The following RANBP2 variants were observed in gnomAD, a reference collection of about 807,000 sequenced individuals.
RANBP2 encodes the protein RAN binding protein 2.
In RANBP2, 57 loss-of-function variants were observed where a neutral mutation model predicts 303.6. That is an observed-to-expected ratio of 0.19 (90% confidence interval 0.15 to 0.23). The LOEUF (loss-of-function observed/expected upper bound fraction) is 0.23. RANBP2 is among the 10% of genes least tolerant of loss of function. RANBP2 has a pLI of 1.00. For missense variants in RANBP2, 3,138 were observed against 3,780.8 expected, an observed-to-expected ratio of 0.83 and a Z score of 4.46; for synonymous variants, 1,167 against 1,301.5, an observed-to-expected ratio of 0.90 and a Z score of 2.23.
the RANBP2 span, chr2:109,129,113 G>A: frequency 2.8e-6 from 1 of 357,564 alleles, no homozygotes; most frequent in Non-Finnish European, 5.3e-6. Flanking sequence ...GGAGGAGCGT[G>A]CACGCCGCGC....
the RANBP2 span, among the ~76,000 whole-genome samples, chr2:109,328,786 A>G: frequency 5.2e-3 from 789 of 152,244 alleles, 4 homozygotes; most frequent in Middle Eastern, 0.014. Flanking sequence ...GTTCATGACC[A>G]CTTTGGTGGC....
chr2:109,148,237 A>G, the RANBP2 span, among the ~76,000 whole-genome samples: 1 of 152,146 alleles, frequency 6.6e-6, no homozygotes, highest in South Asian at 2.1e-4. Context: ...CTTCTGCAGT[A>G]TCTGTTTTCT....
At chr2:109,501,735 CAG>C in the RANBP2 span, 1 of 695,902 alleles carries the variant, frequency 1.4e-6, no homozygotes. Context: ...CCACGGCACA[CAG>C]AGAGGGAGCC....
chr2:108,909,251 G>A, the RANBP2 span, among the ~76,000 whole-genome samples: 1 of 152,320 alleles, frequency 6.6e-6, no homozygotes, highest in Admixed American at 6.5e-5. Flanking sequence ...ATATCAGAAG[G>A]GAGAGGCTGA....
the RANBP2 span, among the ~76,000 whole-genome samples, chr2:108,908,822 AG>A: frequency 1.8e-4 from 27 of 152,200 alleles, no homozygotes; most frequent in Admixed American, 2.6e-4. Context: ...GTTAGTAACT[AG>A]GTTACAGCAG....
At chr2:109,313,923 G>T in the RANBP2 span, among the ~76,000 whole-genome samples, 2 of 152,184 alleles carry the variant, frequency 1.3e-5, no homozygotes, top group African/African-American at 4.8e-5. Context: ...GGACCCGTAT[G>T]CAGGGTGCCG....
intron 7 of RANBP2, among the ~76,000 whole-genome samples, chr2:108,744,648 T>A (rs953511487): frequency 3.3e-5 from 5 of 152,236 alleles, no homozygotes. Flanking sequence ...AGTAAAAGGA[T>A]AGGCAATATG....
At chr2:108,753,272 G>A (rs1558905356) in intron 13 of RANBP2, 113 bp downstream of exon 13, 2 of 1,604,612 alleles carry the variant, frequency 1.2e-6, no homozygotes, top group Non-Finnish European at 8.5e-7. Context: ...TGGTAATCTT[G>A]TTTTCTAAAT....
the RANBP2 span, chr2:109,614,443 G>T: frequency 8.4e-7 from 1 of 1,185,078 alleles, no homozygotes; most frequent in Non-Finnish European, 1.0e-6. Context: ...CCGTCGCTAT[G>T]GGACCGCGCT....
the RANBP2 span, among the ~76,000 whole-genome samples, chr2:108,796,133 C>T: frequency 6.6e-6 from 1 of 152,168 alleles, no homozygotes; most frequent in Non-Finnish European, 1.5e-5. Flanking sequence ...ACTGCAAGCT[C>T]CGCCTCCTGG....
At chr2:109,529,747 C>T in the RANBP2 span, among the ~76,000 whole-genome samples, 1 of 152,176 alleles carries the variant, frequency 6.6e-6, no homozygotes, top group Admixed American at 6.5e-5. Context: ...TAAGAGGTCA[C>T]CTCACCTGTC....
chr2:108,743,930 A>C (rs1696312420), intron 7 of RANBP2, among the ~76,000 whole-genome samples: 1 of 152,248 alleles, frequency 6.6e-6, no homozygotes, highest in Non-Finnish European at 1.5e-5. Context: ...TTTAAAGCTT[A>C]ATGATCAAAT....
rs1368962685 is a variant in RANBP2 at position 108,766,027 on chromosome 2, C to G, written c.5488C>G (p.His1830Asp). ...CACACTGGGCTCAGAAATGAAGTTGCATGACTCTTCTGGAAGTCAGGTGGG... is the reference window on the plus strand; with the variant it reads ...CACACTGGGCTCAGAAATGAAGTTGGATGACTCTTCTGGAAGTCAGGTGGG... The part of the protein sequence containing the change: ...AFTLGSEMKL[H>D]DSSGSQVGTG... The change falls in exon 20 of 29, where the codon CAT (histidine) becomes GAT (aspartate). Residue 1830 changes from histidine to aspartate, a missense_variant. His to Asp is a moderately conservative substitution (Grantham distance 81). Around this residue, in one of 20 missense-constraint regions of RANBP2, gnomAD observed 348 missense variants for 360.4 expected, o/e 0.97. Coordinates refer to ENST00000283195, the MANE Select transcript of RANBP2 (RefSeq NM_006267.5). The G allele has an allele frequency of 1.2e-6, 2 of 1,614,014 alleles. No individual in the cohort carries two copies. Among genetic ancestry groups the G allele is most frequent in the African/African-American group, 2.7e-5 (2 of 74,914 alleles).
the RANBP2 span, among the ~76,000 whole-genome samples, chr2:108,832,765 T>C: frequency 1.3e-5 from 2 of 152,178 alleles, no homozygotes; most frequent in East Asian, 3.8e-4. Flanking sequence ...GACAGACACC[T>C]AGTAGTTGAA....
the RANBP2 span, among the ~76,000 whole-genome samples, chr2:109,619,685 CTTCTT>C: frequency 6.6e-6 from 1 of 152,168 alleles, no homozygotes; most frequent in African/African-American, 2.4e-5. Flanking sequence ...TCTAGAATAA[CTTCTT>C]TCCTTAGAAG....
the RANBP2 span, among the ~76,000 whole-genome samples, chr2:108,832,008 C>T: frequency 1.3e-5 from 2 of 152,138 alleles, no homozygotes; most frequent in East Asian, 3.9e-4. Context: ...GCTGGGATTA[C>T]AAGCGTGAGC....
At chr2:109,543,478 A>C in the RANBP2 span, 3 of 152,368 alleles carry the variant, frequency 2.0e-5, no homozygotes, top group Non-Finnish European at 4.4e-5. Context: ...GCTTAAGATC[A>C]TATCACCAAT....
chr2:109,592,971 A>G, the RANBP2 span: 10 of 924,234 alleles, frequency 1.1e-5, no homozygotes, highest in Non-Finnish European at 1.4e-5. Flanking sequence ...ACAAGAGTCT[A>G]TAAGCACTCC....
the RANBP2 span, among the ~76,000 whole-genome samples, chr2:109,166,598 A>G: frequency 1.3e-5 from 2 of 152,230 alleles, no homozygotes; most frequent in Admixed American, 6.5e-5. Flanking sequence ...GAAAAAATTT[A>G]CAGAAAATAT....
Sources: allele counts gnomAD v4.1 joint callset (sites outside exome capture counted in the v4.1 genomes callset), GRCh38; gene constraint gnomAD v4.1.1; regional missense constraint gnomAD v4.1.1; transcripts MANE v1.5; gene names NCBI Gene and HGNC (gene_info 2026-07-23, HGNC 2026-07-21).